The following TNK2 variants were observed in gnomAD, a reference collection of about 807,000 sequenced individuals.
The protein encoded by TNK2 is activated CDC42 kinase 1.
Under a neutral mutation model 101.8 loss-of-function variants are expected in TNK2, and 83 were observed. The observed-to-expected ratio is 0.82, with a 90% CI of 0.68 to 0.98. The LOEUF (loss-of-function observed/expected upper bound fraction) is 0.98. Among genes scored for constraint, TNK2 ranks in the 50% least tolerant of loss-of-function variants. The pLI is 0.00. For missense variants in TNK2, 1,665 were observed against 1,483.2 expected, an observed-to-expected ratio of 1.12 and a Z score of -2.01; for synonymous variants, 804 against 633.0, an observed-to-expected ratio of 1.27 and a Z score of -4.06.
chr3:195,887,159 G>A, intron 2 of TNK2, 112 bp from the exon 3 acceptor site: 1 of 1,041,068 alleles, frequency 9.6e-7, no homozygotes, highest in Middle Eastern at 2.2e-4. Context: ...CCCACCCGAT[G>A]ATAGCAATGA....
intron 1 of TNK2, chr3:195,892,346 A>G: frequency 7.1e-7 from 1 of 1,412,578 alleles, no homozygotes; most frequent in Admixed American, 2.4e-5. Context: ...TCTGCCTCTC[A>G]GTCAAGTGCT....
chr3:195,864,894 G>A (rs1458340454), intron 15 of TNK2, among the ~76,000 whole-genome samples: 7 of 102,744 alleles, frequency 6.8e-5, no homozygotes, highest in East Asian at 3.4e-4. Context: ...TGCGTCCCGG[G>A]TGCAAATCAG....
intron 11 of TNK2, 119 bp from the exon 12 acceptor site, chr3:195,869,660 G>A (rs1169129389): frequency 2.9e-6 from 3 of 1,049,694 alleles, no homozygotes; most frequent in African/African-American, 1.6e-5. Flanking sequence ...AGTGAATGGG[G>A]GCGAGTGAAT....
rs1457509193 is a variant in TNK2 at position 195,876,396 on chromosome 3, A to T, written c.1256+1857T>A. On this transcript the variant is annotated intron_variant, in intron 9 of 15. Transcript: ENST00000672887. ...CGAAGAGAAGGCCAGGCTAGGAGGG[A>T]ACTCCAAACACAGACCCACAGATGC... 1.5e-5 allele frequency: 7 copies of T among 456,358 alleles called. No homozygotes were observed. The Admixed American group carries it at 1.6e-4, about 11-fold the overall frequency. The allele number at this position is 456,358 out of a possible 1,614,324, so 28.3% of individuals were successfully genotyped here.
At position 195,866,892 on chromosome 3, in the gene TNK2, T is replaced by TGG; in HGVS notation, c.3156_3157dup (p.His1053ProfsTer101). On this transcript the variant is annotated frameshift_variant, in exon 15 of 16. Coordinates refer to ENST00000672887, the MANE Select transcript of TNK2 (RefSeq NM_001382273.1). LOFTEE classifies it high-confidence loss of function. ...GCAGACTGTGGGGCTCACTCACTTG[T>TGG]GGTGGGCAGGGCCCCAGGAGCCCAG... The TGG allele has an allele frequency of 6.2e-7, 1 of 1,610,398 alleles. No homozygotes were observed. Among genetic ancestry groups the TGG allele is most frequent in the Non-Finnish European group, 8.5e-7 (1 of 1,178,858 alleles).
chr3:195,892,817 TCTCTCTCTC>T (rs1389131183), intron 1 of TNK2: 1 of 933,406 alleles, frequency 1.1e-6, no homozygotes, highest in African/African-American at 2.3e-5. Context: ...CTTGCCTGCC[TCTCTCTCTC>T]CCTCTCTCCC....
Position 195,868,278 on chromosome 3 carries a change from C to T in TNK2, c.2020G>A (p.Val674Ile), listed in dbSNP as rs746486555. The T allele has an allele frequency of 5.0e-6, 8 of 1,603,982 alleles. No individual in the cohort carries two copies. Among genetic ancestry groups the T allele is most frequent in the South Asian group, 1.1e-5 (1 of 91,068 alleles). ...SINSTLVGAG[V>I]PAGPSQGQTN... ...TGGCCCTGGCTGGGCCCGGCAGGGACCCCCGCGCCCACGAGGGTGCTGTTG... is the reference window on the plus strand; with the variant it reads ...TGGCCCTGGCTGGGCCCGGCAGGGATCCCCGCGCCCACGAGGGTGCTGTTG... Residue 674 changes from valine to isoleucine, a missense_variant, in exon 13 of 16, where the codon GTC becomes ATC. By Grantham distance (29) the Val-to-Ile change is conservative. Coordinates refer to ENST00000672887, the MANE Select transcript of TNK2 (RefSeq NM_001382273.1).
chr3:195,878,644 C>T lies in TNK2; in HGVS notation c.1015-52G>A, dbSNP rs113587710. ...ACGACAAACAGAGCGCCCAGCCCTT[C>T]ACTTCCCGCCTTCCCTCCAGCCCAT... On this transcript the variant is annotated intron_variant, in intron 7 of 15. Transcript: ENST00000672887. This position sits in a 1 kb window ranked among gnomAD's most constrained non-coding sequence, Gnocchi z 4.7. 29 of 1,584,312 alleles carry T rather than the reference C, an allele frequency of 1.8e-5. No homozygotes were observed. In the African/African-American group the frequency reaches 2.7e-4, roughly 15 times the overall value.
intron 10 of TNK2, among the ~76,000 whole-genome samples, chr3:195,870,905 C>A (rs1744672819): frequency 6.6e-6 from 1 of 151,816 alleles, no homozygotes; most frequent in Non-Finnish European, 1.5e-5. Flanking sequence ...TGTGTGTGGG[C>A]CCGCTGTGTG....
chr3:195,866,809 T>C (rs2149198737), intron 15 of TNK2, 80 bp downstream of exon 15: 1 of 1,544,108 alleles, frequency 6.5e-7, no homozygotes, highest in South Asian at 1.2e-5. Flanking sequence ...CTGCGAGGTG[T>C]TGGGCTTCCT....
At position 195,878,343 on chromosome 3, in the gene TNK2, T is replaced by C; in HGVS notation, c.1166A>G (p.Gln389Arg). ...CTGAAGGGCCCGCATGTCTGTGGGCTGGGCCTGGAGGAAGAGGAAGGTCGT... is the reference window on the plus strand; with the variant it reads ...CTGAAGGGCCCGCATGTCTGTGGGCCGGGCCTGGAGGAAGAGGAAGGTCGT... ...VALRDFLLEA[Q>R]PTDMRALQDF... Residue 389 changes from glutamine to arginine, a missense_variant, in exon 9 of 16, where the codon CAG (glutamine) becomes CGG (arginine). By Grantham distance (43) the Gln-to-Arg change is conservative. Coordinates refer to ENST00000672887, the MANE Select transcript of TNK2 (RefSeq NM_001382273.1). The surrounding 1 kb of genome is among the most constrained non-coding windows in gnomAD (Gnocchi z 4.7). 1 of 1,614,138 alleles carries C rather than the reference T, an allele frequency of 6.2e-7. No individual in the cohort carries two copies. The highest frequency in any genetic ancestry group is 8.5e-7 in the Non-Finnish European group (1 of 1,180,030).
intron 6 of TNK2, among the ~76,000 whole-genome samples, chr3:195,880,046 C>T (rs1389921787): frequency 6.6e-6 from 1 of 152,138 alleles, no homozygotes; most frequent in East Asian, 1.9e-4. Flanking sequence ...CGTCCTGGAT[C>T]ATAAGGGTTG....
intron 11 of TNK2, 177 bp from the exon 12 acceptor site, chr3:195,869,718 C>T (rs1560482444): frequency 3.0e-6 from 2 of 670,690 alleles, no homozygotes; most frequent in Non-Finnish European, 5.3e-6. Context: ...GGATGAGGAA[C>T]ACGGCGGTCC....
chr3:195,880,957 C>T (rs1473540186), intron 6 of TNK2, among the ~76,000 whole-genome samples: 2 of 8,662 alleles, frequency 2.3e-4, no homozygotes, highest in Non-Finnish European at 2.5e-4. Flanking sequence ...GAGGACACAG[C>T]GTCTATCCCT....
intron 4 of TNK2, 125 bp from the exon 5 acceptor site, chr3:195,883,434 A>C (rs1754140684): frequency 8.5e-7 from 1 of 1,178,106 alleles, no homozygotes; most frequent in Non-Finnish European, 1.2e-6. Flanking sequence ...TGGGTGGGTA[A>C]GCATGTCACC....
rs762489031 is a variant in TNK2 at position 195,867,743 on chromosome 3, C to A, written c.2555G>T (p.Gly852Val). The part of the protein sequence containing the change: ...YATPQVIQAP[G>V]PRAGPCILPI... ...CAGGATGCAGGGACCAGCCCGCGGG[C>A]CAGGGGCCTGGATCACCTGGGGGGT... The change falls in exon 13 of 16, where the codon GGC becomes GTC. Residue 852 changes from glycine to valine, a missense_variant. Coordinates refer to ENST00000672887, the MANE Select transcript of TNK2 (RefSeq NM_001382273.1). 1.1e-5 allele frequency: 18 copies of A among 1,598,936 alleles called. No individual in the cohort carries two copies. The highest frequency in any genetic ancestry group is 3.3e-4 in the Middle Eastern group (2 of 5,978).
Position 195,885,084 on chromosome 3 carries a change from T to C in TNK2, c.235-51A>G, listed in dbSNP as rs1456982897. The C allele has an allele frequency of 2.0e-6, 3 of 1,512,460 alleles. No individual in the cohort carries two copies. The highest frequency in any genetic ancestry group is 1.8e-6 in the Non-Finnish European group (2 of 1,118,884). 93.7% of individuals were successfully genotyped at this position (1,512,460 alleles called of 1,614,324 possible). A position where few individuals can be genotyped will look rare whatever the true frequency, so the allele number is the denominator to read the frequency against. On this transcript the variant is annotated intron_variant, in intron 3 of 15. Coordinates refer to ENST00000672887, the MANE Select transcript of TNK2 (RefSeq NM_001382273.1). This position sits in a 1 kb window ranked among gnomAD's most constrained non-coding sequence, Gnocchi z 4.7. ...ATGGAATCCAACACCCCAGGGTCAG[T>C]CACTCAGTCCCACCCCGCTGGGTCC...
At chr3:195,889,022 G>A (rs1757296651) in intron 1 of TNK2, among the ~76,000 whole-genome samples, 1 of 152,164 alleles carries the variant, frequency 6.6e-6, no homozygotes, top group South Asian at 2.1e-4. Context: ...TCTCTAGGGT[G>A]CAATGTGCCC....
At position 195,882,491 on chromosome 3, in the gene TNK2, C is replaced by G. The variant is rs1490420448; in HGVS notation, c.610-163G>C. 18 of 1,541,516 alleles carry G rather than the reference C, an allele frequency of 1.2e-5. No individual in the cohort carries two copies. In the African/African-American group the frequency reaches 2.3e-4, roughly 20 times the overall value. ...GACCTCTAGGAGTCCTGCAGTTTCTCAGGCCTCTCCCTCGAGGCAATTTGG... is the reference window on the plus strand; with the variant it reads ...GACCTCTAGGAGTCCTGCAGTTTCTGAGGCCTCTCCCTCGAGGCAATTTGG... On this transcript the variant is annotated intron_variant, in intron 5 of 15. Transcript: ENST00000672887. The surrounding 1 kb of genome is among the most constrained non-coding windows in gnomAD (Gnocchi z 4.2).
Sources: gnomAD v4.1 joint callset for allele counts (sites outside exome capture counted in the v4.1 genomes callset) on GRCh38, gnomAD v4.1.1 for gene constraint, Gnocchi (gnomAD v3.1) non-coding constraint, MANE v1.5 for transcripts, NCBI Gene and HGNC (gene_info 2026-07-23, HGNC 2026-07-21) for gene names.